MECOM: variants seen among roughly 807,000 people sequenced by gnomAD.
MECOM encodes MDS1 and EVI1 complex locus.
Under a neutral mutation model 116.3 loss-of-function variants are expected in MECOM, and 13 were observed. The ratio of observed to expected loss-of-function variants is 0.11; its 90% CI spans 0.07 to 0.18. The LOEUF is 0.18. Among genes scored for constraint, MECOM ranks in the 10% least tolerant of loss-of-function variants. MECOM has a pLI of 1.00. For synonymous variants in MECOM, 528 were observed against 535.2 expected (o/e 0.99, Z 0.19); for missense variants, 1,299 against 1,509.0 (o/e 0.86, Z 2.31).
At chr3:169,331,258 T>C (rs548425693) in intron 2 of MECOM, among the ~76,000 whole-genome samples, 4 of 152,210 alleles carry the variant, frequency 2.6e-5, no homozygotes, top group Middle Eastern at 3.4e-3. Flanking sequence ...AAAGGCAATC[T>C]AAATATATTG....
At chr3:169,622,646 A>G (rs889224359) in intron 1 of MECOM, among the ~76,000 whole-genome samples, 2 of 152,238 alleles carry the variant, frequency 1.3e-5, no homozygotes, top group African/African-American at 4.8e-5. Flanking sequence ...TTTTGTCAGA[A>G]TGCATAAGTT....
rs748747672 is a variant in MECOM at position 169,121,109 on chromosome 3, G to A, written c.1079C>T (p.Ser360Leu). ...CPECGKTFATSSGLKQHKHIH... is the reference protein window; with the variant it reads ...CPECGKTFATLSGLKQHKHIH... ...GTGCTTGTGTTGTTTGAGGCCCGAC[G>A]AAGTGGCAAACGTTTTGCCACACTC... The change falls in exon 7 of 17, where the codon TCG (serine) becomes TTG (leucine). Residue 360 changes from serine to leucine, a missense_variant. Physicochemically the swap from Ser to Leu is moderately radical, Grantham distance 145 (BLOSUM62 -2). Coordinates refer to ENST00000651503, the MANE Select transcript of MECOM (RefSeq NM_004991.4). The A allele has an allele frequency of 9.9e-6, 16 of 1,613,458 alleles. No homozygotes were observed. The highest frequency in any genetic ancestry group is 2.7e-5 in the African/African-American group (2 of 74,996).
chr3:169,267,152 C>T (rs946275093), intron 2 of MECOM, among the ~76,000 whole-genome samples: 7 of 152,196 alleles, frequency 4.6e-5, no homozygotes, highest in East Asian at 3.9e-4. Context: ...TCACACCTTA[C>T]GATACTACAG....
intron 2 of MECOM, among the ~76,000 whole-genome samples, chr3:169,293,804 GAATC>G (rs555815260): frequency 2.3e-3 from 350 of 152,254 alleles, no homozygotes; most frequent in Non-Finnish European, 4.3e-3. Flanking sequence ...TATATTTATT[GAATC>G]AATGATTTGA....
chr3:169,448,644 G>C (rs1297167725), intron 1 of MECOM, among the ~76,000 whole-genome samples: 1 of 152,150 alleles, frequency 6.6e-6, no homozygotes, highest in Non-Finnish European at 1.5e-5. Context: ...GGGAAGAGGA[G>C]TTTGCATCCT....
intron 1 of MECOM, among the ~76,000 whole-genome samples, chr3:169,570,920 A>T (rs561317301): frequency 6.6e-6 from 1 of 152,342 alleles, no homozygotes; most frequent in African/African-American, 2.4e-5. Flanking sequence ...TCCCTTTGAA[A>T]ACCAGCACAA....
chr3:169,304,710 A>T (rs1335408290), intron 2 of MECOM, among the ~76,000 whole-genome samples: 2 of 152,244 alleles, frequency 1.3e-5, no homozygotes, highest in Admixed American at 6.5e-5. Context: ...TAGTATTAAG[A>T]ACAAAATAAT....
At chr3:169,435,567 G>A (rs1436619616) in intron 1 of MECOM, among the ~76,000 whole-genome samples, 1 of 152,154 alleles carries the variant, frequency 6.6e-6, no homozygotes. Flanking sequence ...GTCAAAAAGA[G>A]AGTCACATCA....
chr3:169,523,771 C>A (rs2109098005), intron 1 of MECOM, among the ~76,000 whole-genome samples: 1 of 151,876 alleles, frequency 6.6e-6, no homozygotes, highest in African/African-American at 2.4e-5. Flanking sequence ...TTTTTCAATA[C>A]AAGTATATCC....
chr3:169,271,558 C>T (rs531442549), intron 2 of MECOM, among the ~76,000 whole-genome samples: 66 of 152,186 alleles, frequency 4.3e-4, no homozygotes, highest in South Asian at 3.1e-3. Context: ...GAGCTGAACT[C>T]GAGAACACAT....
intron 10 of MECOM, 69 bp from the exon 11 acceptor site, chr3:169,102,295 C>G: frequency 7.0e-7 from 1 of 1,425,008 alleles, no homozygotes; most frequent in Admixed American, 2.1e-5. Flanking sequence ...TCTGGCAAAC[C>G]AAGGACATCA....
chr3:169,102,256 C>T lies in MECOM; in HGVS notation c.2605-30G>A, dbSNP rs747895751. ...AAGGTAAAAGCACAAGACCATGAAG[C>T]GTTTGGCATCTTGTCTTCTATAATA... is the stretch of plus-strand genomic sequence containing the variant. On this transcript the variant is annotated intron_variant, in intron 10 of 16. Coordinates refer to ENST00000651503, the MANE Select transcript of MECOM (RefSeq NM_004991.4). The T allele has an allele frequency of 2.2e-5, 34 of 1,577,686 alleles. No homozygotes were observed. In the South Asian group the frequency reaches 3.1e-4, roughly 15 times the overall value.
chr3:169,101,039 G>A (rs115241051), intron 11 of MECOM, 77 bp from the exon 12 acceptor site: 1 of 903,798 alleles, frequency 1.1e-6, no homozygotes, highest in South Asian at 1.9e-5. Context: ...GCAGCCAGAT[G>A]CTTATTCCTG....
chr3:169,604,851 GGA>G lies in MECOM; in HGVS notation c.37+58483_37+58484del, dbSNP rs564447854. Among the ~76,000 whole-genome samples the G allele has an allele frequency of 4.6e-5, 7 of 152,278 alleles. No homozygotes were observed. The South Asian group carries it at 1.5e-3, about 32-fold the overall frequency. On this transcript the variant is annotated intron_variant, in intron 1 of 16. Coordinates refer to ENST00000651503, the MANE Select transcript of MECOM (RefSeq NM_004991.4). ...CATGACAACAGAAAATGAAGCTGTT[GGA>G]CATTGAGCTTGTAGAAACAGTATTC... is the stretch of plus-strand genomic sequence containing the variant.
chr3:169,434,523 CA>C (rs1269595937), intron 1 of MECOM, among the ~76,000 whole-genome samples: 1 of 151,688 alleles, frequency 6.6e-6, no homozygotes, highest in Non-Finnish European at 1.5e-5. Flanking sequence ...TCCATTGAGA[CA>C]ATGAATTTTG....
At chr3:169,549,800 C>T (rs1226069060) in intron 1 of MECOM, among the ~76,000 whole-genome samples, 1 of 152,210 alleles carries the variant, frequency 6.6e-6, no homozygotes, top group Non-Finnish European at 1.5e-5. Flanking sequence ...ACATTGTTGC[C>T]TTGACCCTCA....
At chr3:169,584,303 C>T (rs1335943471) in intron 1 of MECOM, among the ~76,000 whole-genome samples, 1 of 152,094 alleles carries the variant, frequency 6.6e-6, no homozygotes, top group South Asian at 2.1e-4. Context: ...CGGGGGCTCA[C>T]TCCTGTAATC....
chr3:169,173,446 T>C (rs1744727987), intron 2 of MECOM, among the ~76,000 whole-genome samples: 1 of 152,190 alleles, frequency 6.6e-6, no homozygotes, highest in Non-Finnish European at 1.5e-5. Context: ...AGCTCACCTC[T>C]GAACTCCAAA....
rs1728951700 is a variant in MECOM, at chr3:169,115,707, A to G, written c.2165T>C (p.Met722Thr). The G allele has an allele frequency of 1.1e-5, 18 of 1,614,048 alleles. No homozygotes were observed. Among genetic ancestry groups the G allele is most frequent in the Non-Finnish European group, 1.5e-5 (18 of 1,180,002 alleles). The change falls in exon 8 of 17, where the codon ATG becomes ACG. Residue 722 changes from methionine to threonine, a missense_variant. Met to Thr is a moderately conservative substitution (Grantham distance 81, BLOSUM62 -1). Transcript: ENST00000651503. ...DRDLRSLPLKMEPQSPGEVKK... is the reference protein window; with the variant it reads ...DRDLRSLPLKTEPQSPGEVKK... Reference sequence around the variant, plus strand: ...TACTTCACCTGGTGATTGGGGTTCCATTTTCAAAGGTAACGATCTCAAGTC... The same window carrying G: ...TACTTCACCTGGTGATTGGGGTTCCGTTTTCAAAGGTAACGATCTCAAGTC...
Sources: gnomAD v4.1 joint callset for allele counts (sites outside exome capture counted in the v4.1 genomes callset) on GRCh38, gnomAD v4.1.1 for gene constraint, MANE v1.5 for transcripts, NCBI Gene and HGNC (gene_info 2026-07-23, HGNC 2026-07-21) for gene names.